Variants in STRBP observed in about 807,000 individuals in gnomAD.
STRBP encodes spermatid perinuclear RNA binding protein.
A neutral mutation model predicts 80.1 loss-of-function variants in STRBP; 13 were observed. The ratio of observed to expected loss-of-function variants is 0.16; its 90% CI spans 0.11 to 0.26. STRBP has a LOEUF of 0.26. Among genes scored for constraint, STRBP ranks in the 10% least tolerant of loss-of-function variants. The pLI is 1.00. For synonymous variants in STRBP, 284 were observed against 291.2 expected, an observed-to-expected ratio of 0.98 and a Z score of 0.25; for missense variants, 485 against 815.2, an observed-to-expected ratio of 0.59 and a Z score of 4.93.
intron 4 of STRBP, among the ~76,000 whole-genome samples, chr9:123,177,025 G>A (rs2038247327): frequency 1.3e-5 from 2 of 152,156 alleles, no homozygotes; most frequent in South Asian, 2.1e-4. Context: ...ATAAATACAA[G>A]CTACCCCCCA....
chr9:123,155,398 T>G (rs182295092), intron 11 of STRBP, among the ~76,000 whole-genome samples: 187 of 152,214 alleles, frequency 1.2e-3, no homozygotes, highest in Non-Finnish European at 2.0e-3. Flanking sequence ...TCTCCAACCA[T>G]GTTGAGCAAC....
At position 123,190,035 on chromosome 9, in the gene STRBP, T is replaced by A. The variant is rs531890188; in HGVS notation, c.-164-5737A>T. ...TGGCTCACACCTGTAATCCCAGCAC[T>A]TTGGGAGGCAGAGATGGGTGGATCA... On this transcript the variant is annotated intron_variant, in intron 2 of 18. Transcript: ENST00000348403. 7.2e-5 allele frequency among the ~76,000 whole-genome samples: 11 copies of A among 152,112 alleles called. No individual in the cohort carries two copies. The South Asian group carries it at 2.3e-3, about 32-fold the overall frequency.
At position 123,257,133 on chromosome 9, in the gene STRBP, G is replaced by A. The variant is rs541870733; in HGVS notation, c.-302+11303C>T. Among the ~76,000 whole-genome samples, 10 of 151,938 alleles carry A rather than the reference G, an allele frequency of 6.6e-5. No homozygotes were observed. In the East Asian group the frequency reaches 1.2e-3, roughly 18 times the overall value. ...CTCCAACATTCCTCTCCAAACTTAC[G>A]CTCTGCTAATTCCTTTCATATATCG... On this transcript the variant is annotated intron_variant, in intron 1 of 18. Coordinates refer to ENST00000348403, the MANE Select transcript of STRBP (RefSeq NM_018387.5).
chr9:123,219,943 A>G (rs1017520337), intron 2 of STRBP, among the ~76,000 whole-genome samples: 2 of 152,246 alleles, frequency 1.3e-5, no homozygotes, highest in African/African-American at 2.4e-5. Flanking sequence ...ACACAATTCT[A>G]TATCTAGTAA....
chr9:123,157,041 A>C (rs2037317567), intron 11 of STRBP, among the ~76,000 whole-genome samples: 1 of 152,182 alleles, frequency 6.6e-6, no homozygotes, highest in Admixed American at 6.5e-5. Flanking sequence ...AAAAATAAGA[A>C]AGAGGGTAAT....
intron 5 of STRBP, among the ~76,000 whole-genome samples, chr9:123,170,333 C>T (rs1374484688): frequency 6.6e-6 from 1 of 152,080 alleles, no homozygotes; most frequent in African/African-American, 2.4e-5. Context: ...AAGTAAAATG[C>T]CAATAGCATC....
At chr9:123,261,487 A>G (rs936893599) in intron 1 of STRBP, among the ~76,000 whole-genome samples, 2 of 152,208 alleles carry the variant, frequency 1.3e-5, no homozygotes, top group East Asian at 1.9e-4. Flanking sequence ...CACAGGGACC[A>G]AAGTTCAGGT....
At chr9:123,258,981 A>G (rs1015415614) in intron 1 of STRBP, among the ~76,000 whole-genome samples, 3 of 151,488 alleles carry the variant, frequency 2.0e-5, no homozygotes, top group African/African-American at 7.3e-5. Context: ...GGTTTTGACC[A>G]GAGAAGACAA....
At chr9:123,260,026 A>G (rs1328487523) in intron 1 of STRBP, among the ~76,000 whole-genome samples, 1 of 152,260 alleles carries the variant, frequency 6.6e-6, no homozygotes. Flanking sequence ...AAAGATGAAC[A>G]GAAGAAACTT....
downstream of STRBP, among the ~76,000 whole-genome samples, chr9:123,117,863 AAAG>A (rs1003182351): frequency 6.6e-6 from 1 of 152,266 alleles, no homozygotes; most frequent in Non-Finnish European, 1.5e-5. Context: ...ACTGAAATTC[AAAG>A]AAAAACAAGC....
At chr9:123,248,502 C>T (rs1271818681) in intron 1 of STRBP, among the ~76,000 whole-genome samples, 1 of 151,914 alleles carries the variant, frequency 6.6e-6, no homozygotes, top group Non-Finnish European at 1.5e-5. Context: ...GAACTCCTGA[C>T]CTCGTGTTCC....
intron 2 of STRBP, among the ~76,000 whole-genome samples, chr9:123,221,638 CCTAAATAAATA>C (rs2040071418): frequency 6.6e-6 from 1 of 152,140 alleles, no homozygotes; most frequent in Non-Finnish European, 1.5e-5. Context: ...TGACTTCACC[CCTAAATAAATA>C]CTTCAGCGTC....
chr9:123,166,222 G>A (rs924708631), intron 6 of STRBP, among the ~76,000 whole-genome samples: 7 of 152,138 alleles, frequency 4.6e-5, no homozygotes, highest in Non-Finnish European at 8.8e-5. Flanking sequence ...GAGTTTAACT[G>A]TGCTTGGGTT....
rs1483567811 is a variant in STRBP at position 123,110,700 on chromosome 9, G to A, written c.*85-947C>T. On this transcript the variant is annotated intron_variant and NMD_transcript_variant, in intron 3 of 3. Transcript: ENST00000471564. This position sits in a 1 kb window ranked among gnomAD's most constrained non-coding sequence, Gnocchi z 4.1. Reference sequence around the variant, plus strand: ...CCTGGAGGCTGGAGACAGCTCCTCAGAGAGCCAGAGCTACCCTTGGTTCCT... The same window carrying A: ...CCTGGAGGCTGGAGACAGCTCCTCAAAGAGCCAGAGCTACCCTTGGTTCCT... 1 of 169,268 alleles carries A rather than the reference G, an allele frequency of 5.9e-6. No homozygotes were observed. Among genetic ancestry groups the A allele is most frequent in the African/African-American group, 2.4e-5 (1 of 41,526 alleles). The allele number at this position is 169,268 out of a possible 1,614,324, so 10.5% of individuals were successfully genotyped here.
At position 123,122,654 on chromosome 9, in the gene STRBP, G is replaced by A; in HGVS notation, c.*2943C>T. 9.8e-7 allele frequency: 1 copy of A among 1,021,706 alleles called. No individual in the cohort carries two copies. 63.3% of individuals were successfully genotyped at this position (1,021,706 alleles called of 1,614,324 possible). A position where few individuals can be genotyped will look rare whatever the true frequency, so the allele number is the denominator to read the frequency against. On this transcript the variant is annotated 3_prime_UTR_variant, in exon 19 of 19. Transcript: ENST00000348403. ...GCACAAGAGATGGGGTACTCCTGCA[G>A]CCTGAAGAAACACAAGCTGCAAGCC...
chr9:123,132,875 C>G lies in STRBP; in HGVS notation c.1867G>C (p.Ala623Pro). 1 of 1,614,130 alleles carries G rather than the reference C, an allele frequency of 6.2e-7. No homozygotes were observed. Among genetic ancestry groups the G allele is most frequent in the Non-Finnish European group, 8.5e-7 (1 of 1,179,982 alleles). The change falls in exon 17 of 19, where the codon GCG becomes CCG. Residue 623 changes from alanine (A) to proline (P), a missense_variant. By Grantham distance (27) the Ala-to-Pro change is conservative. Coordinates refer to ENST00000348403, the MANE Select transcript of STRBP (RefSeq NM_018387.5). ...GTLTRGAFVGATAAPGYIAPG... is the reference protein window; with the variant it reads ...GTLTRGAFVGPTAAPGYIAPG... ...GCTATGTAGCCAGGAGCAGCTGTCG[C>G]CCCAACAAAAGCTCCCCTTGTTAGA...
intron 4 of STRBP, among the ~76,000 whole-genome samples, chr9:123,174,271 AC>A (rs2038127325): frequency 6.6e-6 from 1 of 152,178 alleles, no homozygotes; most frequent in Non-Finnish European, 1.5e-5. Context: ...CCCTGTTGCC[AC>A]AAAAAATGTA....
chr9:123,172,541 A>G (rs1379007212), intron 5 of STRBP, among the ~76,000 whole-genome samples: 1 of 152,170 alleles, frequency 6.6e-6, no homozygotes, highest in African/African-American at 2.4e-5. Context: ...AAGACCAGAA[A>G]ACATTTCTCC....
chr9:123,246,409 A>G (rs1463274648), intron 1 of STRBP, among the ~76,000 whole-genome samples: 1 of 152,204 alleles, frequency 6.6e-6, no homozygotes, highest in Non-Finnish European at 1.5e-5. Flanking sequence ...TACTGCAAGG[A>G]TTTTGGCAGA....
Sources: allele counts gnomAD v4.1 joint callset (sites outside exome capture counted in the v4.1 genomes callset), GRCh38; gene constraint gnomAD v4.1.1; non-coding constraint Gnocchi (gnomAD v3.1); transcripts MANE v1.5; gene names NCBI Gene and HGNC (gene_info 2026-07-23, HGNC 2026-07-21).